The following PLEKHO2 variants were observed in gnomAD, a reference collection of about 807,000 sequenced individuals.
The protein encoded by PLEKHO2 is pleckstrin homology domain-containing family O member 2.
PLEKHO2 carries 20 observed loss-of-function variants against 32.7 expected under a neutral mutation model. The ratio of observed to expected loss-of-function variants is 0.61; its 90% CI spans 0.43 to 0.89. The LOEUF is 0.89. PLEKHO2 is among the 40% of genes least tolerant of loss of function. The pLI, the probability that PLEKHO2 is intolerant of heterozygous loss-of-function variation, is 0.00. For synonymous variants in PLEKHO2, 247 were observed against 246.3 expected (o/e 1.00, Z -0.03); for missense variants, 568 against 621.2 (o/e 0.91, Z 0.91).
chr15:64,866,520 T>C lies in PLEKHO2; in HGVS notation c.*632T>C. ...ACATTAGCTGTGTGGCCTCTCTCTC[T>C]TTGGCCCTGTTTCCTTTTTTGCAAA... On this transcript the variant is annotated 3_prime_UTR_variant, in exon 6 of 6. Transcript: ENST00000323544. The C allele has an allele frequency of 2.6e-6, 1 of 381,486 alleles. No homozygotes were observed. Among genetic ancestry groups the C allele is most frequent in the Non-Finnish European group, 5.2e-6 (1 of 191,048 alleles). The allele number at this position is 381,486 out of a possible 1,614,324, so 23.6% of individuals were successfully genotyped here.
chr15:64,859,140 G>A lies in PLEKHO2; in HGVS notation c.280-754G>A, dbSNP rs139167658. Among the ~76,000 whole-genome samples the A allele has an allele frequency of 6.7e-3, 1,013 of 152,298 alleles. 11 individuals carry two copies. The highest frequency in any genetic ancestry group is 0.02 in the African/African-American group (817 of 41,552). The stretch of plus-strand genomic sequence containing the variant: ...AAGGCTGGCTGATAATCCATTGTAC[G>A]TATGGACCACATTTTGCTTATCCAT... On this transcript the variant is annotated intron_variant, in intron 3 of 5. Transcript: ENST00000323544.
chr15:64,855,133 G>A (rs939576774), intron 3 of PLEKHO2, 96 bp downstream of exon 3: 1 of 968,832 alleles, frequency 1.0e-6, no homozygotes, highest in African/African-American at 1.6e-5. Flanking sequence ...CCTTGAAAAA[G>A]CCTGTTTTCC....
chr15:64,853,377 C>T (rs1217380791), intron 2 of PLEKHO2, among the ~76,000 whole-genome samples: 4 of 150,588 alleles, frequency 2.7e-5, no homozygotes, highest in South Asian at 2.1e-4. Context: ...CCTGGGTTCA[C>T]GCCATTCTTC....
Position 64,865,792 on chromosome 15 carries a change from G to T in PLEKHO2, c.1377G>T (p.Gln459His), listed in dbSNP as rs747450930. ...EQLRQATQVL[Q>H]EMRDLGELSQ... ...TGAGGCAGGCCACCCAGGTCCTGCAGGAAATGAGAGATTTGGGAGAGCTGA... is the reference window on the plus strand; with the variant it reads ...TGAGGCAGGCCACCCAGGTCCTGCATGAAATGAGAGATTTGGGAGAGCTGA... The change falls in exon 6 of 6, where the codon CAG (glutamine) becomes CAT (histidine). Residue 459 changes from glutamine (Q) to histidine (H), a missense_variant. Transcript: ENST00000323544. 6.2e-7 allele frequency: 1 copy of T among 1,614,034 alleles called. No individual in the cohort carries two copies. The highest frequency in any genetic ancestry group is 8.5e-7 in the Non-Finnish European group (1 of 1,180,022).
chr15:64,865,557 C>T lies in PLEKHO2; in HGVS notation c.1142C>T (p.Pro381Leu). 1.2e-6 allele frequency: 2 copies of T among 1,614,180 alleles called. No individual in the cohort carries two copies. The highest frequency in any genetic ancestry group is 8.5e-7 in the Non-Finnish European group (1 of 1,180,028). ...ACAGCACTGCCCCCCTGGGACCTGC[C>T]ACCTCAGTTCCATCCCCGCTGCTCC... The part of the protein sequence containing the change: ...TSTALPPWDL[P>L]PQFHPRCSSL... The change falls in exon 6 of 6, where the codon CCA (proline) becomes CTA (leucine). Residue 381 changes from proline to leucine, a missense_variant. Physicochemically the swap from Pro to Leu is moderately conservative, Grantham distance 98. Transcript: ENST00000323544.
At chr15:64,856,893 C>G (rs2084609791) in intron 3 of PLEKHO2, among the ~76,000 whole-genome samples, 1 of 152,222 alleles carries the variant, frequency 6.6e-6, no homozygotes, top group South Asian at 2.1e-4. Flanking sequence ...GTGAGGCCTC[C>G]AGCCGGCCAG....
intron 1 of PLEKHO2, among the ~76,000 whole-genome samples, chr15:64,842,581 T>C (rs2084493590): frequency 6.6e-6 from 1 of 151,758 alleles, no homozygotes; most frequent in African/African-American, 2.4e-5. Flanking sequence ...GAGAAGTTGC[T>C]TTTTTCTCCC....
rs1385848324 is a variant in PLEKHO2, at chr15:64,866,080, T to A, written c.*192T>A. The A allele has an allele frequency of 1.6e-5, 12 of 757,860 alleles. No individual in the cohort carries two copies. The highest frequency in any genetic ancestry group is 2.5e-5 in the Non-Finnish European group (12 of 482,154). The allele number at this position is 757,860 out of a possible 1,614,324, so 46.9% of individuals were successfully genotyped here. On this transcript the variant is annotated 3_prime_UTR_variant, in exon 6 of 6. Coordinates refer to ENST00000323544, the MANE Select transcript of PLEKHO2 (RefSeq NM_025201.5). Reference sequence around the variant, plus strand: ...CTCTGCTCTGGCCAGTGGTGCCAGGTGCCACCCAGGGCTACTGCCTGGCTA... The same window carrying A: ...CTCTGCTCTGGCCAGTGGTGCCAGGAGCCACCCAGGGCTACTGCCTGGCTA...
intron 5 of PLEKHO2, among the ~76,000 whole-genome samples, chr15:64,864,046 C>T (rs1257618863): frequency 1.3e-5 from 2 of 152,126 alleles, no homozygotes; most frequent in Non-Finnish European, 2.9e-5. Flanking sequence ...CCCAGCCAGC[C>T]CCATCTCTTA....
chr15:64,842,458 G>A (rs958098900), intron 1 of PLEKHO2, among the ~76,000 whole-genome samples: 1 of 151,468 alleles, frequency 6.6e-6, no homozygotes, highest in Non-Finnish European at 1.5e-5. Flanking sequence ...GTATGTGTGT[G>A]TTGGGGGGTT....
At position 64,861,512 on chromosome 15, in the gene PLEKHO2, GACAC is replaced by G; in HGVS notation, c.421_424del (p.Thr141GlyfsTer18). 6.2e-7 allele frequency: 1 copy of G among 1,609,154 alleles called. No homozygotes were observed. Among genetic ancestry groups the G allele is most frequent in the Non-Finnish European group, 8.5e-7 (1 of 1,178,310 alleles). ...ACAAGAGCTGCGCCCTGGAGCATGT[GACAC>G]GGGACCGGGTGCGAGGGGGCCAGCG... On this transcript the variant is annotated frameshift_variant, in exon 5 of 6. Transcript: ENST00000323544. LOFTEE classifies it high-confidence loss of function.
chr15:64,848,180 A>C (rs2084536950), intron 1 of PLEKHO2, among the ~76,000 whole-genome samples: 1 of 152,244 alleles, frequency 6.6e-6, no homozygotes, highest in South Asian at 2.1e-4. Flanking sequence ...ACATGGAAGC[A>C]GAATGGTGGA....
Position 64,859,964 on chromosome 15 carries a change from G to T in PLEKHO2, c.350G>T (p.Gly117Val). 13 of 1,614,174 alleles carry T rather than the reference G, an allele frequency of 8.1e-6. No individual in the cohort carries two copies. The highest frequency in any genetic ancestry group is 1.1e-5 in the Non-Finnish European group (13 of 1,180,024). Residue 117 changes from glycine (G) to valine (V), a missense_variant, in exon 4 of 6, where the codon GGG becomes GTG. Coordinates refer to ENST00000323544, the MANE Select transcript of PLEKHO2 (RefSeq NM_025201.5). Reference sequence around the variant, plus strand: ...TCCTGGATCAAAGCCCTCAATGAAGGGATTAACCGAGGCAAAAACAAGGCT... The same window carrying T: ...TCCTGGATCAAAGCCCTCAATGAAGTGATTAACCGAGGCAAAAACAAGGCT... ...KESWIKALNE[G>V]INRGKNKAFD...
intron 1 of PLEKHO2, among the ~76,000 whole-genome samples, chr15:64,843,901 C>G (rs959411567): frequency 1.3e-5 from 2 of 152,108 alleles, no homozygotes; most frequent in African/African-American, 4.8e-5. Context: ...TTTCTGACTC[C>G]TAGATGCCCA....
chr15:64,851,587 C>G (rs1377848260), intron 2 of PLEKHO2, among the ~76,000 whole-genome samples: 1 of 152,168 alleles, frequency 6.6e-6, no homozygotes, highest in Non-Finnish European at 1.5e-5. Context: ...ATGTAAGGAA[C>G]TAGGCGAATG....
At chr15:64,842,283 A>G (rs184059227) in intron 1 of PLEKHO2, among the ~76,000 whole-genome samples, 1 of 152,230 alleles carries the variant, frequency 6.6e-6, no homozygotes, top group African/African-American at 2.4e-5. Context: ...CATTGGATTG[A>G]CCAGGAGACT....
intron 2 of PLEKHO2, among the ~76,000 whole-genome samples, chr15:64,853,381 ATTC>A (rs1382779169): frequency 7.5e-5 from 11 of 147,444 alleles, no homozygotes; most frequent in African/African-American, 2.8e-4. Context: ...GGTTCACGCC[ATTC>A]TTCTGCCTCA....
At chr15:64,844,217 C>T (rs72757640) in intron 1 of PLEKHO2, among the ~76,000 whole-genome samples, 2,755 of 152,316 alleles carry the variant, frequency 0.018, 57 homozygotes, top group South Asian at 0.03. Flanking sequence ...TCCCTGTGCC[C>T]GGCCACCCTG....
At chr15:64,851,823 G>A (rs527961041) in intron 2 of PLEKHO2, among the ~76,000 whole-genome samples, 95 of 152,170 alleles carry the variant, frequency 6.2e-4, no homozygotes, top group African/African-American at 2.2e-3. Context: ...GGGTGTATTC[G>A]GGCCAGTGGC....
Sources: gnomAD v4.1 joint callset for allele counts (sites outside exome capture counted in the v4.1 genomes callset) on GRCh38, gnomAD v4.1.1 for gene constraint, MANE v1.5 for transcripts, NCBI Gene and HGNC (gene_info 2026-07-23, HGNC 2026-07-21) for gene names.